Variants in MSRA observed in about 807,000 individuals in gnomAD.
The protein encoded by MSRA is methionine sulfoxide reductase A, also known as mitochondrial peptide methionine sulfoxide reductase.
A neutral mutation model predicts 31.3 loss-of-function variants in MSRA; 54 were observed. That is an observed-to-expected ratio of 1.73 (90% confidence interval 1.39 to 2.17). The LOEUF is 2.17. MSRA is among the 30% of genes most tolerant of loss of function. MSRA has a pLI of 0.00. For missense variants in MSRA, 507 were observed against 300.9 expected, an observed-to-expected ratio of 1.69 and a Z score of -5.07; for synonymous variants, 169 against 116.5, an observed-to-expected ratio of 1.45 and a Z score of -2.90.
At chr8:10,216,785 T>G (rs1232737358) in intron 2 of MSRA, among the ~76,000 whole-genome samples, 1 of 152,236 alleles carries the variant, frequency 6.6e-6, no homozygotes, top group African/African-American at 2.4e-5. Context: ...TAGACCACAT[T>G]TGGTTTGTCC....
At chr8:10,317,842 T>C (rs1300753147) in intron 4 of MSRA, among the ~76,000 whole-genome samples, 2 of 152,212 alleles carry the variant, frequency 1.3e-5, no homozygotes, top group South Asian at 2.1e-4. Flanking sequence ...TTGGTGATTA[T>C]GCTCACTCAG....
chr8:10,094,385 A>T (rs970304118), intron 1 of MSRA, among the ~76,000 whole-genome samples: 1 of 152,260 alleles, frequency 6.6e-6, no homozygotes, highest in African/African-American at 2.4e-5. Flanking sequence ...ACATGATCCT[A>T]ATTGTGAAGA....
At chr8:10,262,831 A>G (rs1414797844) in intron 3 of MSRA, among the ~76,000 whole-genome samples, 1 of 152,216 alleles carries the variant, frequency 6.6e-6, no homozygotes, top group Non-Finnish European at 1.5e-5. Flanking sequence ...GCATGCCCGA[A>G]TGTTGGCACT....
At chr8:10,388,222 A>G (rs913705318) in intron 5 of MSRA, among the ~76,000 whole-genome samples, 11 of 152,086 alleles carry the variant, frequency 7.2e-5, no homozygotes, top group African/African-American at 2.4e-4. Flanking sequence ...GGGGGAGGCA[A>G]TTTATGGGAA....
At chr8:10,115,405 A>G (rs1361450195) in intron 1 of MSRA, among the ~76,000 whole-genome samples, 3 of 152,204 alleles carry the variant, frequency 2.0e-5, no homozygotes, top group Non-Finnish European at 4.4e-5. Context: ...AGGGGCCACT[A>G]GAAGCTGGAG....
At chr8:10,099,314 G>A (rs1799383418) in intron 1 of MSRA, among the ~76,000 whole-genome samples, 1 of 152,186 alleles carries the variant, frequency 6.6e-6, no homozygotes, top group Non-Finnish European at 1.5e-5. Context: ...GAGTGTCTCA[G>A]CCGTGGGTAT....
At chr8:10,075,364 G>A (rs1221267650) in intron 1 of MSRA, among the ~76,000 whole-genome samples, 1 of 152,216 alleles carries the variant, frequency 6.6e-6, no homozygotes, top group East Asian at 1.9e-4. Context: ...ATGAATGTCA[G>A]TAAATGGAAG....
At chr8:10,312,917 A>G (rs149099624) in intron 4 of MSRA, among the ~76,000 whole-genome samples, 1 of 152,366 alleles carries the variant, frequency 6.6e-6, no homozygotes, top group Non-Finnish European at 1.5e-5. Flanking sequence ...GCAAAAGCCT[A>G]TAGCAAGCAT....
At chr8:10,332,793 A>C (rs2129144868) in intron 5 of MSRA, among the ~76,000 whole-genome samples, 1 of 152,306 alleles carries the variant, frequency 6.6e-6, no homozygotes, top group African/African-American at 2.4e-5. Flanking sequence ...TTGTTCATTA[A>C]TAGGGGGTGG....
intron 5 of MSRA, among the ~76,000 whole-genome samples, chr8:10,375,601 G>A (rs911149081): frequency 2.6e-5 from 4 of 152,148 alleles, no homozygotes; most frequent in Non-Finnish European, 5.9e-5. Context: ...GGAGATGCTC[G>A]CTAAGCAGCA....
intron 3 of MSRA, among the ~76,000 whole-genome samples, chr8:10,280,130 G>T (rs1292314287): frequency 6.6e-6 from 1 of 151,862 alleles, no homozygotes. Flanking sequence ...TATCTTTTTA[G>T]GCTTTACTGA....
At chr8:10,372,088 C>G (rs1168627413) in intron 5 of MSRA, among the ~76,000 whole-genome samples, 1 of 152,172 alleles carries the variant, frequency 6.6e-6, no homozygotes, top group East Asian at 1.9e-4. Context: ...ACAATTGAGT[C>G]TGGGATGATA....
At chr8:10,388,874 A>C (rs530336106) in intron 5 of MSRA, among the ~76,000 whole-genome samples, 2 of 151,380 alleles carry the variant, frequency 1.3e-5, no homozygotes, top group East Asian at 3.9e-4. Flanking sequence ...CACCCCTGCC[A>C]CTGCTACCCT....
At chr8:10,366,104 C>T (rs1303193388) in intron 5 of MSRA, among the ~76,000 whole-genome samples, 1 of 152,178 alleles carries the variant, frequency 6.6e-6, no homozygotes, top group Non-Finnish European at 1.5e-5. Context: ...GTCTTGTGGC[C>T]TGTCGAAAGG....
At chr8:10,385,633 G>T (rs1020176315) in intron 5 of MSRA, among the ~76,000 whole-genome samples, 1 of 152,178 alleles carries the variant, frequency 6.6e-6, no homozygotes, top group Non-Finnish European at 1.5e-5. Flanking sequence ...GTTCAGTGGG[G>T]GACACATGGC....
intron 1 of MSRA, among the ~76,000 whole-genome samples, chr8:10,166,209 T>C (rs959748296): frequency 6.6e-5 from 10 of 152,176 alleles, no homozygotes; most frequent in African/African-American, 2.2e-4. Flanking sequence ...CAGGCTTCTT[T>C]AGAAGTTTTG....
At chr8:10,193,189 T>C (rs1326478192) in intron 1 of MSRA, among the ~76,000 whole-genome samples, 1 of 152,230 alleles carries the variant, frequency 6.6e-6, no homozygotes, top group Non-Finnish European at 1.5e-5. Context: ...TCTACATTTC[T>C]AGAATTCTAG....
intron 2 of MSRA, among the ~76,000 whole-genome samples, chr8:10,225,930 G>C (rs1393498416): frequency 6.6e-6 from 1 of 152,238 alleles, no homozygotes; most frequent in African/African-American, 2.4e-5. Flanking sequence ...ATGCCAGAAA[G>C]ACGTAAGGTG....
intron 5 of MSRA, among the ~76,000 whole-genome samples, chr8:10,359,579 G>A (rs944046775): frequency 4.0e-5 from 6 of 151,768 alleles, no homozygotes; most frequent in Admixed American, 1.3e-4. Flanking sequence ...CCTCCTCTTC[G>A]TTTTCTTTCT....
Sources: allele counts gnomAD v4.1 joint callset (sites outside exome capture counted in the v4.1 genomes callset), GRCh38; gene constraint gnomAD v4.1.1; transcripts MANE v1.5; gene names NCBI Gene and HGNC (gene_info 2026-07-23, HGNC 2026-07-21).